Variants in CPLANE1 observed in about 807,000 individuals in gnomAD.
The protein encoded by CPLANE1 is ciliogenesis and planar polarity effector complex subunit 1.
A neutral mutation model predicts 362.5 loss-of-function variants in CPLANE1; 263 were observed. The observed-to-expected ratio is 0.73, with a 90% confidence interval of 0.66 to 0.80. CPLANE1 has a LOEUF of 0.80. Ranked by LOEUF, CPLANE1 falls within the 30% of genes least tolerant of loss-of-function variation. CPLANE1 has a pLI of 0.00. For synonymous variants in CPLANE1, 1,212 were observed against 1,302.6 expected, an observed-to-expected ratio of 0.93 and a Z score of 1.50; for missense variants, 3,461 against 3,793.4, an observed-to-expected ratio of 0.91 and a Z score of 2.30.
intron 6 of CPLANE1, among the ~76,000 whole-genome samples, chr5:37,241,393 T>C: frequency 6.6e-6 from 1 of 152,028 alleles, no homozygotes; most frequent in Non-Finnish European, 1.5e-5. Context: ...AGGCAGAAGT[T>C]GCAGTGAGCC....
intron 19 of CPLANE1, 116 bp from the exon 20 acceptor site, chr5:37,198,982 A>G: frequency 1.1e-6 from 1 of 948,016 alleles, no homozygotes; most frequent in Non-Finnish European, 1.6e-6. Context: ...CTGTAATCCC[A>G]GCACTTTGGA....
chr5:37,209,828 A>T lies in CPLANE1; in HGVS notation c.2921-3403T>A. 7.4e-7 allele frequency: 1 copy of T among 1,348,444 alleles called. No homozygotes were observed. Among genetic ancestry groups the T allele is most frequent in the Non-Finnish European group, 1.1e-6 (1 of 940,278 alleles). 83.5% of individuals were successfully genotyped at this position (1,348,444 alleles called of 1,614,324 possible). On this transcript the variant is annotated intron_variant, in intron 16 of 52. Transcript: ENST00000651892. The surrounding 1 kb of genome is among the most constrained non-coding windows in gnomAD (Gnocchi z 4.6). ...TGGCAGAATATCATCAAGCTAAAGA[A>T]AGTTGTAATATGGAAACTCAGACAA...
chr5:37,241,163 T>G (rs1327053389), intron 6 of CPLANE1, among the ~76,000 whole-genome samples: 2 of 149,848 alleles, frequency 1.3e-5, no homozygotes, highest in African/African-American at 2.5e-5. Context: ...AAAAATAAAA[T>G]GTAGAGAAGG....
chr5:37,244,038 C>T (rs955653705), intron 5 of CPLANE1, among the ~76,000 whole-genome samples: 6 of 151,566 alleles, frequency 4.0e-5, no homozygotes, highest in African/African-American at 7.3e-5. Flanking sequence ...TTAGCAGAGA[C>T]GGGGTTTCTC....
At chr5:37,226,247 A>T (rs1380614443) in intron 12 of CPLANE1, 57 bp downstream of exon 12, 1 of 1,201,970 alleles carries the variant, frequency 8.3e-7, no homozygotes, top group African/African-American at 1.5e-5. Flanking sequence ...CTCAGTTTCT[A>T]AAAAAGTAAA....
intron 4 of CPLANE1, 133 bp downstream of exon 4, chr5:37,245,346 T>TAC (rs1561727514): frequency 2.3e-5 from 2 of 85,462 alleles, no homozygotes; most frequent in African/African-American, 9.6e-5. Flanking sequence ...TATATATATA[T>TAC]ATATACACAC....
At chr5:37,195,350 C>T (rs1484120265) in intron 21 of CPLANE1, among the ~76,000 whole-genome samples, 3 of 152,078 alleles carry the variant, frequency 2.0e-5, no homozygotes, top group Non-Finnish European at 4.4e-5. Context: ...CCTGCAATCC[C>T]AACATTTTGG....
chr5:37,181,467 T>C (rs1269271477), intron 26 of CPLANE1, among the ~76,000 whole-genome samples: 1 of 152,188 alleles, frequency 6.6e-6, no homozygotes, highest in African/African-American at 2.4e-5. Flanking sequence ...CAAGGATGAC[T>C]AATATCACAG....
At chr5:37,105,176 T>C (rs1040712862), downstream of CPLANE1, among the ~76,000 whole-genome samples, 2 of 152,028 alleles carry the variant, frequency 1.3e-5, no homozygotes, top group African/African-American at 4.8e-5. Context: ...GGTGCGCACC[T>C]GGAGTCCCAG....
chr5:37,167,057 T>C lies in CPLANE1; in HGVS notation c.7390A>G (p.Ser2464Gly). Residue 2464 changes from serine (S) to glycine (G), a missense_variant, in exon 35 of 53, where the codon AGT becomes GGT. Physicochemically the swap from Ser to Gly is moderately conservative, Grantham distance 56. This residue lies in a region of CPLANE1 where 3,380 missense variants were observed against 3,666.1 expected (regional missense o/e 0.92). Transcript: ENST00000651892. Reference protein sequence around the residue: ...EPPEVRQGKDSKKRQRRRAEK... With the variant: ...EPPEVRQGKDGKKRQRRRAEK... Reference sequence around the variant, plus strand: ...TCACTTAAGCCTTGCCTTTTTTTACTGTCCTTTCCTTGTCTTACTTCAGGT... The same window carrying C: ...TCACTTAAGCCTTGCCTTTTTTTACCGTCCTTTCCTTGTCTTACTTCAGGT... 1 of 1,605,966 alleles carries C rather than the reference T, an allele frequency of 6.2e-7. No homozygotes were observed. The highest frequency in any genetic ancestry group is 8.5e-7 in the Non-Finnish European group (1 of 1,177,988).
chr5:37,206,455 T>C (rs1580727158), intron 16 of CPLANE1, 30 bp from the exon 17 acceptor site: 1 of 1,351,806 alleles, frequency 7.4e-7, no homozygotes, highest in East Asian at 2.5e-5. Flanking sequence ...AATGGATTAT[T>C]ACAATCACAT....
At chr5:37,171,210 T>C (rs1221142713) in intron 32 of CPLANE1, among the ~76,000 whole-genome samples, 5 of 152,194 alleles carry the variant, frequency 3.3e-5, no homozygotes, top group Admixed American at 3.3e-4. Context: ...CCAGGTTATT[T>C]AAATGTCCAG....
chr5:37,157,958 AGG>A, intron 39 of CPLANE1, 90 bp from the exon 40 acceptor site: 1 of 762,522 alleles, frequency 1.3e-6, no homozygotes, highest in Non-Finnish European at 1.9e-6. Flanking sequence ...AAAAAAAAAA[AGG>A]CTTAATTCTT....
At chr5:37,184,697 G>T in intron 25 of CPLANE1, 91 bp downstream of exon 25, 1 of 1,043,780 alleles carries the variant, frequency 9.6e-7, no homozygotes, top group Non-Finnish European at 1.4e-6. Context: ...AATCAGTGAG[G>T]GTTGCTGGGA....
chr5:37,169,646 T>A, intron 33 of CPLANE1, 85 bp from the exon 34 acceptor site: 1 of 1,181,292 alleles, frequency 8.5e-7, no homozygotes, highest in Non-Finnish European at 1.2e-6. Flanking sequence ...TGTTTTGCAG[T>A]GGGTAGAATG....
rs766837329 is a variant in CPLANE1, at chr5:37,153,821, C to G, written c.8292G>C (p.Gln2764His). ...CAGCAATGTTCTGTATTGCTAGCAA[C>G]TGCTCGTCAATTTTCTGAAGCTTAG... ...LSAKLQKIDE[Q>H]LLAIQNIAEN... is the part of the protein sequence containing the mutation. The change falls in exon 42 of 53, where the codon CAG (glutamine) becomes CAC (histidine). Residue 2764 changes from glutamine (Q) to histidine (H), a missense_variant. Gln to His is a conservative substitution (Grantham distance 24, BLOSUM62 0). This residue lies in a region of CPLANE1 where 3,380 missense variants were observed against 3,666.1 expected (regional missense o/e 0.92). Coordinates refer to ENST00000651892, the MANE Select transcript of CPLANE1 (RefSeq NM_001384732.1). 9 of 1,613,988 alleles carry G rather than the reference C, an allele frequency of 5.6e-6. No individual in the cohort carries two copies. The highest frequency in any genetic ancestry group is 6.8e-6 in the Non-Finnish European group (8 of 1,180,022).
intron 45 of CPLANE1, 25 bp downstream of exon 45, chr5:37,139,315 G>T: frequency 7.3e-7 from 1 of 1,369,330 alleles, no homozygotes. Context: ...AAAGAAAATT[G>T]TGAATTAACT....
intron 44 of CPLANE1, chr5:37,141,610 T>C (rs1769738824): frequency 1.0e-6 from 1 of 962,736 alleles, no homozygotes; most frequent in Non-Finnish European, 1.2e-6. Flanking sequence ...ATCACTTTAA[T>C]AATGGTAATA....
At chr5:37,077,886 G>T in the CPLANE1 span, among the ~76,000 whole-genome samples, 1 of 151,842 alleles carries the variant, frequency 6.6e-6, no homozygotes, top group African/African-American at 2.4e-5. Flanking sequence ...AAAGTGCTGG[G>T]ATTACAGGTG....
Sources: allele counts gnomAD v4.1 joint callset (sites outside exome capture counted in the v4.1 genomes callset), GRCh38; gene constraint gnomAD v4.1.1; regional missense constraint gnomAD v4.1.1; non-coding constraint Gnocchi (gnomAD v3.1); transcripts MANE v1.5; gene names NCBI Gene and HGNC (gene_info 2026-07-23, HGNC 2026-07-21).